Variants in CENPU observed in about 807,000 individuals in gnomAD.
CENPU encodes KSHV latent nuclear antigen interacting protein 1.
Under a neutral mutation model 56.7 loss-of-function variants are expected in CENPU, and 46 were observed. The observed-to-expected ratio is 0.81, with a 90% CI of 0.64 to 1.04. The LOEUF (loss-of-function observed/expected upper bound fraction) is 1.04. CENPU is among the 50% of genes least tolerant of loss of function. The pLI, the probability that CENPU is intolerant of heterozygous loss-of-function variation, is 0.00. For missense variants in CENPU, 510 were observed against 490.1 expected (o/e 1.04, Z -0.38); for synonymous variants, 166 against 163.0 (o/e 1.02, Z -0.14).
Position 184,715,405 on chromosome 4 carries a change from G to A in CENPU, c.618+992C>T, listed in dbSNP as rs148272010. On this transcript the variant is annotated intron_variant, in intron 6 of 12. Transcript: ENST00000281453. The stretch of plus-strand genomic sequence containing the variant: ...CAGCTGACTCCAACCTCCACCTCCC[G>A]GGTTCAAGGTGATTCTCCTGCTACA... 7.9e-5 allele frequency among the ~76,000 whole-genome samples: 12 copies of A among 152,086 alleles called. 1 individual carries two copies. In the East Asian group the frequency reaches 1.5e-3, roughly 20 times the overall value.
intron 11 of CENPU, among the ~76,000 whole-genome samples, chr4:184,700,083 C>T (rs1760481674): frequency 3.9e-5 from 6 of 152,222 alleles, no homozygotes; most frequent in Admixed American, 3.9e-4. Context: ...GGAGCAGACA[C>T]CACATCTAGC....
At chr4:184,702,982 A>G (rs973018357) in intron 8 of CENPU, among the ~76,000 whole-genome samples, 3 of 152,158 alleles carry the variant, frequency 2.0e-5, no homozygotes, top group African/African-American at 7.2e-5. Flanking sequence ...GTTGATGGGC[A>G]CTTAGGTTGA....
chr4:184,725,808 T>C (rs28442259), intron 3 of CENPU, among the ~76,000 whole-genome samples: 4 of 151,916 alleles, frequency 2.6e-5, no homozygotes, highest in Non-Finnish European at 4.4e-5. Context: ...AGGAAGAAGA[T>C]AAAAGAGAAG....
Position 184,700,818 on chromosome 4 carries a change from A to G in CENPU, c.986+2T>C. 6.2e-7 allele frequency: 1 copy of G among 1,613,332 alleles called. No individual in the cohort carries two copies. The highest frequency in any genetic ancestry group is 8.5e-7 in the Non-Finnish European group (1 of 1,179,216). Reference sequence around the variant, plus strand: ...CTCAAACAGGATTTGACAGTATCTTACCGAAGCAGTTCATCCTGGACTTCA... The same window carrying G: ...CTCAAACAGGATTTGACAGTATCTTGCCGAAGCAGTTCATCCTGGACTTCA... On this transcript the variant is annotated splice_donor_variant, in intron 11 of 12. Transcript: ENST00000281453. LOFTEE classifies it high-confidence loss of function.
intron 4 of CENPU, among the ~76,000 whole-genome samples, chr4:184,720,253 T>C (rs187978744): frequency 1.1e-3 from 171 of 152,042 alleles, no homozygotes; most frequent in African/African-American, 3.8e-3. Context: ...AAAGAATACA[T>C]CAGAGTCTCT....
chr4:184,696,057 G>T (rs1760287014), intron 12 of CENPU, among the ~76,000 whole-genome samples: 1 of 152,114 alleles, frequency 6.6e-6, no homozygotes, highest in African/African-American at 2.4e-5. Context: ...TTGTATCTAA[G>T]GGTGCATGAT....
At chr4:184,729,144 T>C in intron 2 of CENPU, 109 bp from the exon 3 acceptor site, 4 of 817,412 alleles carry the variant, frequency 4.9e-6, no homozygotes, top group Non-Finnish European at 8.2e-6. Flanking sequence ...GAAGCAATCC[T>C]TATGCATGGG....
chr4:184,729,851 GA>G (rs1761577719), intron 2 of CENPU, among the ~76,000 whole-genome samples: 1 of 152,190 alleles, frequency 6.6e-6, no homozygotes, highest in South Asian at 2.1e-4. Flanking sequence ...CATAAAATGA[GA>G]AAAACTTTCA....
chr4:184,710,203 C>A (rs187125100), intron 7 of CENPU, 23 bp from the exon 8 acceptor site: 5 of 1,497,738 alleles, frequency 3.3e-6, no homozygotes, highest in Non-Finnish European at 4.6e-6. Flanking sequence ...GATAAGTTAA[C>A]ATGCTGGTTA....
chr4:184,706,052 T>C (rs895292116), intron 8 of CENPU, among the ~76,000 whole-genome samples: 5 of 152,216 alleles, frequency 3.3e-5, no homozygotes, highest in Non-Finnish European at 7.3e-5. Flanking sequence ...AACGTGAATA[T>C]ACTTAACACT....
intron 8 of CENPU, among the ~76,000 whole-genome samples, chr4:184,705,028 C>G (rs571765294): frequency 1.6e-4 from 25 of 152,266 alleles, no homozygotes; most frequent in Admixed American, 1.5e-3. Flanking sequence ...CCTTACAAAA[C>G]TAAACATGCA....
chr4:184,712,848 A>T (rs1760969105), intron 7 of CENPU, 96 bp downstream of exon 7: 1 of 825,364 alleles, frequency 1.2e-6, no homozygotes. Flanking sequence ...AATTTTATGT[A>T]CTTACAATTT....
chr4:184,700,739 G>GC, intron 11 of CENPU, 81 bp downstream of exon 11: 1 of 1,202,582 alleles, frequency 8.3e-7, no homozygotes, highest in Non-Finnish European at 1.2e-6. Context: ...CATCACAGCA[G>GC]CAAGTGTCAC....
chr4:184,731,440 A>G (rs1761641956), intron 1 of CENPU, among the ~76,000 whole-genome samples: 1 of 152,232 alleles, frequency 6.6e-6, no homozygotes, highest in Non-Finnish European at 1.5e-5. Flanking sequence ...GTTCAAATCC[A>G]GGGCCTGCCC....
intron 11 of CENPU, 139 bp from the exon 12 acceptor site, chr4:184,697,942 T>C: frequency 3.4e-6 from 2 of 590,738 alleles, no homozygotes; most frequent in Non-Finnish European, 5.8e-6. Context: ...ACTACGAATG[T>C]GTAAAAGATT....
intron 8 of CENPU, among the ~76,000 whole-genome samples, chr4:184,708,025 G>A (rs1426981769): frequency 6.6e-6 from 1 of 151,892 alleles, no homozygotes; most frequent in Non-Finnish European, 1.5e-5. Flanking sequence ...GAGTTTGAGA[G>A]CAGACTGGCC....
chr4:184,700,668 T>C (rs1760503681), intron 11 of CENPU, 152 bp downstream of exon 11: 1 of 708,952 alleles, frequency 1.4e-6, no homozygotes, highest in African/African-American at 1.7e-5. Context: ...GTGGGGCAAC[T>C]AAGCAGCATA....
chr4:184,700,898 T>C lies in CENPU; in HGVS notation c.925-17A>G. On this transcript the variant is annotated splice_polypyrimidine_tract_variant and intron_variant, in intron 10 of 12. Coordinates refer to ENST00000281453, the MANE Select transcript of CENPU (RefSeq NM_024629.4). ...TGAAATCATCTAAGTAACACAATCA[T>C]TTGTGTTAAAATTAATTTGTAACTG... is the stretch of plus-strand genomic sequence containing the variant. 1.9e-6 allele frequency: 3 copies of C among 1,590,744 alleles called. No individual in the cohort carries two copies. Among genetic ancestry groups the C allele is most frequent in the Non-Finnish European group, 2.6e-6 (3 of 1,158,490 alleles).
chr4:184,707,691 T>G (rs980140959), intron 8 of CENPU, among the ~76,000 whole-genome samples: 1 of 152,180 alleles, frequency 6.6e-6, no homozygotes, highest in African/African-American at 2.4e-5. Flanking sequence ...GGGTTTGGCC[T>G]TCTTCTATAC....
Sources: allele counts gnomAD v4.1 joint callset (sites outside exome capture counted in the v4.1 genomes callset), GRCh38; gene constraint gnomAD v4.1.1; transcripts MANE v1.5; gene names NCBI Gene and HGNC (gene_info 2026-07-23, HGNC 2026-07-21).